IFT25: variants seen among roughly 807,000 people sequenced by gnomAD.
The protein encoded by IFT25 is intraflagellar transport protein 25 homolog.
the IFT25 span, among the ~76,000 whole-genome samples, chr1:53,913,331 TAG>T: frequency 6.6e-6 from 1 of 152,204 alleles, no homozygotes; most frequent in Non-Finnish European, 1.5e-5. Context: ...CTCACTTCCT[TAG>T]AGGTTTCTCC....
At chr1:53,916,778 C>T in the IFT25 span, 2 of 389,988 alleles carry the variant, frequency 5.1e-6, no homozygotes, top group African/African-American at 4.1e-5. Context: ...TGACTACTCA[C>T]CTTCACATCT....
chr1:53,937,945 A>G, the IFT25 span, among the ~76,000 whole-genome samples: 1 of 152,246 alleles, frequency 6.6e-6, no homozygotes, highest in Non-Finnish European at 1.5e-5. Flanking sequence ...AAAAGTGGAT[A>G]TTGAATTTTT....
the IFT25 span, among the ~76,000 whole-genome samples, chr1:53,922,288 A>G: frequency 6.6e-6 from 1 of 151,828 alleles, no homozygotes; most frequent in Non-Finnish European, 1.5e-5. Flanking sequence ...CAGCTACTTG[A>G]GAGGCTGAGG....
chr1:53,935,043 T>C, the IFT25 span, among the ~76,000 whole-genome samples: 5 of 151,764 alleles, frequency 3.3e-5, no homozygotes. Flanking sequence ...CGGCTGGGGG[T>C]TGTGGCTTAC....
At chr1:53,918,128 C>A in the IFT25 span, among the ~76,000 whole-genome samples, 1 of 152,194 alleles carries the variant, frequency 6.6e-6, no homozygotes, top group African/African-American at 2.4e-5. Flanking sequence ...CTTACTCCTC[C>A]TACATACCCA....
At chr1:53,927,119 A>C in the IFT25 span, among the ~76,000 whole-genome samples, 34 of 152,344 alleles carry the variant, frequency 2.2e-4, no homozygotes, top group East Asian at 6.2e-3. Flanking sequence ...AATTAGAGCT[A>C]AAAGCTTGAT....
At chr1:53,926,034 G>A in the IFT25 span, among the ~76,000 whole-genome samples, 48 of 148,884 alleles carry the variant, frequency 3.2e-4, no homozygotes, top group East Asian at 8.5e-3. Flanking sequence ...CCTGGGAAGC[G>A]GAAGTTGCAG....
the IFT25 span, chr1:53,929,358 T>C: frequency 6.6e-6 from 1 of 152,360 alleles, no homozygotes; most frequent in South Asian, 2.1e-4. Flanking sequence ...CTTCCTGCTA[T>C]AGCTAGTTTC....
At chr1:53,943,498 T>C in the IFT25 span, among the ~76,000 whole-genome samples, 1 of 152,188 alleles carries the variant, frequency 6.6e-6, no homozygotes, top group Non-Finnish European at 1.5e-5. Context: ...CTGCTAAATA[T>C]ACCATCATAT....
the IFT25 span, chr1:53,940,232 C>G: frequency 5.1e-6 from 3 of 583,936 alleles, no homozygotes; most frequent in Non-Finnish European, 9.0e-6. Flanking sequence ...GGGAGGGACT[C>G]TAACATGTTT....
chr1:53,944,416 A>G, the IFT25 span, among the ~76,000 whole-genome samples: 2 of 149,568 alleles, frequency 1.3e-5, no homozygotes, highest in Non-Finnish European at 2.9e-5. Flanking sequence ...AGGCCCAGGC[A>G]GGCGGATCAC....
the IFT25 span, among the ~76,000 whole-genome samples, chr1:53,926,721 GA>G: frequency 1.3e-5 from 2 of 150,108 alleles, no homozygotes; most frequent in South Asian, 2.1e-4. Context: ...CCACATTCTA[GA>G]TTTTTTTTTT....
the IFT25 span, among the ~76,000 whole-genome samples, chr1:53,943,995 T>G: frequency 6.6e-6 from 1 of 152,326 alleles, no homozygotes; most frequent in East Asian, 1.9e-4. Flanking sequence ...GAATGTACTC[T>G]CCAAATGTTC....
the IFT25 span, among the ~76,000 whole-genome samples, chr1:53,941,588 C>G: frequency 2.0e-5 from 3 of 151,930 alleles, no homozygotes; most frequent in African/African-American, 7.3e-5. Context: ...ACTATTGATA[C>G]CAGAGAACCA....
chr1:53,913,132 T>C, the IFT25 span, among the ~76,000 whole-genome samples: 3 of 152,246 alleles, frequency 2.0e-5, no homozygotes, highest in Admixed American at 2.0e-4. Flanking sequence ...AATTATGTCC[T>C]TCACCTGAGT....
chr1:53,921,416 C>T, the IFT25 span: 1 of 419,964 alleles, frequency 2.4e-6, no homozygotes, highest in Non-Finnish European at 4.3e-6. Context: ...ATTAAATTTT[C>T]ATGTGCAGTC....
the IFT25 span, among the ~76,000 whole-genome samples, chr1:53,923,357 T>G: frequency 4.9e-3 from 743 of 152,322 alleles, 4 homozygotes; most frequent in African/African-American, 0.017. Flanking sequence ...CTACCAGGAA[T>G]AGCGGAACTC....
chr1:53,933,643 A>G, the IFT25 span, among the ~76,000 whole-genome samples: 2 of 152,180 alleles, frequency 1.3e-5, no homozygotes, highest in South Asian at 4.1e-4. Flanking sequence ...TAGACAATAT[A>G]TATTTGGGTC....
the IFT25 span, chr1:53,930,169 A>G: frequency 5.6e-4 from 859 of 1,534,888 alleles, 8 homozygotes; most frequent in Admixed American, 1.5e-3. Context: ...TAAAGAAAAA[A>G]TAAGAATAGC....
Sources: gnomAD v4.1 joint callset for allele counts (sites outside exome capture counted in the v4.1 genomes callset) on GRCh38, gnomAD v4.1.1 for gene constraint, MANE v1.5 for transcripts, NCBI Gene and HGNC (gene_info 2026-07-23, HGNC 2026-07-21) for gene names.